Variants in CEP63 observed in about 807,000 individuals in gnomAD.
CEP63 encodes centrosomal protein 63.
CEP63 carries 84 observed loss-of-function variants against 89.1 expected under a neutral mutation model. The observed-to-expected ratio is 0.94, with a 90% CI of 0.79 to 1.13. The LOEUF (loss-of-function observed/expected upper bound fraction) is 1.13. CEP63 is among the 50% of genes most tolerant of loss of function. The pLI is 0.00. For missense variants in CEP63, 838 were observed against 813.3 expected, an observed-to-expected ratio of 1.03 and a Z score of -0.37; for synonymous variants, 267 against 272.5, an observed-to-expected ratio of 0.98 and a Z score of 0.20.
At chr3:134,569,889 G>A (rs1192306508), downstream of CEP63, among the ~76,000 whole-genome samples, 1 of 152,198 alleles carries the variant, frequency 6.6e-6, no homozygotes, top group Non-Finnish European at 1.5e-5. Flanking sequence ...AAATCTAGGT[G>A]GAGGTTCCCA....
chr3:134,593,027 C>T, the CEP63 span, among the ~76,000 whole-genome samples: 1 of 151,890 alleles, frequency 6.6e-6, no homozygotes, highest in African/African-American at 2.4e-5. Context: ...GCTCAGCTGC[C>T]CTAATTTAAG....
At chr3:134,664,842 A>G in the CEP63 span, among the ~76,000 whole-genome samples, 2 of 152,106 alleles carry the variant, frequency 1.3e-5, no homozygotes, top group Admixed American at 1.3e-4. Flanking sequence ...TGAATTCAGC[A>G]CTGGCTTGCT....
the CEP63 span, among the ~76,000 whole-genome samples, chr3:134,732,152 T>C: frequency 6.6e-6 from 1 of 152,168 alleles, no homozygotes; most frequent in African/African-American, 2.4e-5. Context: ...CCTCTCATCA[T>C]CTGTAAAGAA....
At chr3:134,546,515 C>T (rs1953357897) in intron 8 of CEP63, among the ~76,000 whole-genome samples, 1 of 152,106 alleles carries the variant, frequency 6.6e-6, no homozygotes, top group Non-Finnish European at 1.5e-5. Context: ...CATGCTACCA[C>T]ACCTGGCTAG....
chr3:134,666,819 T>A, the CEP63 span, among the ~76,000 whole-genome samples: 1 of 152,198 alleles, frequency 6.6e-6, no homozygotes, highest in Non-Finnish European at 1.5e-5. Context: ...CTTAAATAGA[T>A]GAGGGATCCT....
chr3:134,595,616 C>T, the CEP63 span, among the ~76,000 whole-genome samples: 2 of 152,172 alleles, frequency 1.3e-5, no homozygotes, highest in East Asian at 3.9e-4. Flanking sequence ...AAACCCAGTA[C>T]CCCTGGCAAT....
chr3:134,532,951 G>T, intron 5 of CEP63, 51 bp downstream of exon 5: 1 of 1,599,890 alleles, frequency 6.3e-7, no homozygotes, highest in South Asian at 1.1e-5. Context: ...CTTCACGTAG[G>T]AAAATGCGGT....
the CEP63 span, among the ~76,000 whole-genome samples, chr3:134,756,709 G>A: frequency 6.6e-6 from 1 of 152,162 alleles, no homozygotes; most frequent in Non-Finnish European, 1.5e-5. Context: ...GGTGTGCAGG[G>A]ATGGAGGGCT....
chr3:134,702,828 C>T, the CEP63 span, among the ~76,000 whole-genome samples: 23 of 151,988 alleles, frequency 1.5e-4, no homozygotes, highest in Non-Finnish European at 2.1e-4. Flanking sequence ...TAGATGAAGG[C>T]GAGGTTGTGG....
At chr3:134,703,692 C>G in the CEP63 span, among the ~76,000 whole-genome samples, 1 of 152,064 alleles carries the variant, frequency 6.6e-6, no homozygotes, top group South Asian at 2.1e-4. Flanking sequence ...GGCTTAATGC[C>G]TAGGTGATGG....
the CEP63 span, chr3:134,607,716 C>G: frequency 1.0e-6 from 1 of 985,752 alleles, no homozygotes; most frequent in Non-Finnish European, 1.2e-6. Context: ...TGCAAACATA[C>G]TCAGCTGCCA....
chr3:134,733,772 G>C, the CEP63 span, among the ~76,000 whole-genome samples: 2 of 150,650 alleles, frequency 1.3e-5, no homozygotes, highest in Non-Finnish European at 2.9e-5. Flanking sequence ...TCCTGGCCTT[G>C]CCAAGACCTT....
intron 1 of CEP63, among the ~76,000 whole-genome samples, chr3:134,488,602 C>T (rs955032646): frequency 7.2e-5 from 11 of 151,918 alleles, no homozygotes; most frequent in African/African-American, 2.4e-4. Flanking sequence ...GTGCAAGACT[C>T]GGTCTCAAAA....
At chr3:134,588,575 T>G (rs920906353), downstream of CEP63, among the ~76,000 whole-genome samples, 6 of 152,214 alleles carry the variant, frequency 3.9e-5, no homozygotes, top group African/African-American at 1.4e-4. Context: ...CAATTGAAGT[T>G]GTGCTCGCTG....
the CEP63 span, among the ~76,000 whole-genome samples, chr3:134,764,914 C>A: frequency 0.027 from 4,102 of 152,254 alleles, 175 homozygotes; most frequent in African/African-American, 0.094. Flanking sequence ...TTGACTTCAC[C>A]AATACCAGAG....
chr3:134,692,089 T>A, the CEP63 span, among the ~76,000 whole-genome samples: 1 of 140,866 alleles, frequency 7.1e-6, no homozygotes, highest in Non-Finnish European at 1.6e-5. Flanking sequence ...AGAAGGCAGC[T>A]AGATTTTTTT....
At chr3:134,678,264 A>T in the CEP63 span, among the ~76,000 whole-genome samples, 1 of 151,852 alleles carries the variant, frequency 6.6e-6, no homozygotes, top group Non-Finnish European at 1.5e-5. Context: ...TTCCCTTAAG[A>T]CTGGGCCAGG....
At chr3:134,579,501 G>A (rs930065112), downstream of CEP63, among the ~76,000 whole-genome samples, 4 of 152,152 alleles carry the variant, frequency 2.6e-5, no homozygotes, top group South Asian at 2.1e-4. Context: ...TACTGATAAC[G>A]CATTGTGGTA....
chr3:134,613,987 A>C, the CEP63 span, among the ~76,000 whole-genome samples: 12 of 152,206 alleles, frequency 7.9e-5, no homozygotes, highest in Non-Finnish European at 1.5e-4. Context: ...CATACAACGC[A>C]ACACAATGTA....
Sources: gnomAD v4.1 joint callset for allele counts (sites outside exome capture counted in the v4.1 genomes callset) on GRCh38, gnomAD v4.1.1 for gene constraint, MANE v1.5 for transcripts, NCBI Gene and HGNC (gene_info 2026-07-23, HGNC 2026-07-21) for gene names.